Variants in FOXP1 observed in about 807,000 individuals in gnomAD.
The protein encoded by FOXP1 is forkhead box protein P1.
Under a neutral mutation model 98.2 loss-of-function variants are expected in FOXP1, and 15 were observed. That is an observed-to-expected ratio of 0.15 (90% CI 0.10 to 0.24). The LOEUF (loss-of-function observed/expected upper bound fraction) is 0.24, where lower values mean the gene tolerates loss of function less well. Ranked by LOEUF, FOXP1 falls within the 10% of genes least tolerant of loss-of-function variation. FOXP1 has a pLI of 1.00. For missense variants in FOXP1, 633 were observed against 848.5 expected, an observed-to-expected ratio of 0.75 and a Z score of 3.15; for synonymous variants, 371 against 314.5, an observed-to-expected ratio of 1.18 and a Z score of -1.90.
At chr3:71,566,678 T>G (rs929562189) in intron 2 of FOXP1, among the ~76,000 whole-genome samples, 1 of 152,136 alleles carries the variant, frequency 6.6e-6, no homozygotes, top group African/African-American at 2.4e-5. Context: ...CTTTCCTTAT[T>G]ATGTACCAGA....
chr3:71,108,851 C>G (rs1184100147), intron 7 of FOXP1, among the ~76,000 whole-genome samples: 1 of 152,166 alleles, frequency 6.6e-6, no homozygotes, highest in African/African-American at 2.4e-5. Context: ...TCATAAGCCT[C>G]CTGAAGGCAG....
chr3:71,001,135 G>A, intron 12 of FOXP1, 76 bp from the exon 13 acceptor site: 1 of 1,157,174 alleles, frequency 8.6e-7, no homozygotes, highest in Non-Finnish European at 1.3e-6. Context: ...GGATGTTTAA[G>A]CATAAACTAG....
At chr3:71,529,775 T>C (rs1329419909) in intron 2 of FOXP1, among the ~76,000 whole-genome samples, 2 of 152,194 alleles carry the variant, frequency 1.3e-5, no homozygotes, top group African/African-American at 4.8e-5. Context: ...TCCTTGCCCC[T>C]TCCTACATAC....
At chr3:71,325,053 A>ATT (rs71120312) in intron 4 of FOXP1, among the ~76,000 whole-genome samples, 3,433 of 135,994 alleles carry the variant, frequency 0.025, 78 homozygotes, top group Non-Finnish European at 0.038. Context: ...TAATCCCTTG[A>ATT]TTTTTTTTTT....
At chr3:71,488,030 AAGGG>A (rs1262782623) in intron 3 of FOXP1, among the ~76,000 whole-genome samples, 1 of 152,242 alleles carries the variant, frequency 6.6e-6, no homozygotes, top group African/African-American at 2.4e-5. Flanking sequence ...AAAGGACAGA[AAGGG>A]TTCTTTCTTT....
chr3:71,116,607 C>G (rs921684203), intron 6 of FOXP1, among the ~76,000 whole-genome samples: 1 of 152,206 alleles, frequency 6.6e-6, no homozygotes, highest in African/African-American at 2.4e-5. Flanking sequence ...AGAGTAGGAA[C>G]AAATTATTAT....
chr3:71,342,523 T>C (rs777303314), intron 4 of FOXP1, among the ~76,000 whole-genome samples: 1 of 152,076 alleles, frequency 6.6e-6, no homozygotes, highest in Non-Finnish European at 1.5e-5. Context: ...TGAAACCCCA[T>C]CTCTACTAAA....
intron 7 of FOXP1, among the ~76,000 whole-genome samples, chr3:71,082,041 A>C (rs1576639548): frequency 6.6e-6 from 1 of 151,840 alleles, no homozygotes; most frequent in East Asian, 1.9e-4. Context: ...CACTTTGAGA[A>C]GCTGAGGTGG....
At chr3:71,582,376 C>G in intron 1 of FOXP1, 2 of 977,542 alleles carry the variant, frequency 2.0e-6, no homozygotes, top group Non-Finnish European at 2.4e-6. Context: ...GCTCCCGGCG[C>G]CGCCGCCACC....
chr3:71,396,986 A>ATATG (rs2081474515), intron 3 of FOXP1, among the ~76,000 whole-genome samples: 1 of 78,238 alleles, frequency 1.3e-5, no homozygotes, highest in Non-Finnish European at 2.4e-5. Flanking sequence ...ATATATGTGT[A>ATATG]TATATATACA....
intron 3 of FOXP1, among the ~76,000 whole-genome samples, chr3:71,424,469 G>A (rs2083940140): frequency 6.6e-6 from 1 of 152,142 alleles, no homozygotes; most frequent in African/African-American, 2.4e-5. Flanking sequence ...AGGATTCCAT[G>A]TCTGGTTCTC....
At chr3:71,274,134 C>A (rs910355451) in intron 5 of FOXP1, among the ~76,000 whole-genome samples, 2 of 152,186 alleles carry the variant, frequency 1.3e-5, no homozygotes, top group African/African-American at 4.8e-5. Flanking sequence ...CATACTAGCA[C>A]CAGTGCCTTG....
At chr3:71,366,485 A>G (rs1038474974) in intron 3 of FOXP1, among the ~76,000 whole-genome samples, 1 of 152,244 alleles carries the variant, frequency 6.6e-6, no homozygotes, top group Non-Finnish European at 1.5e-5. Flanking sequence ...TGTGTCAATG[A>G]AGAACAGAAA....
At chr3:71,390,407 T>C (rs2080942939) in intron 3 of FOXP1, among the ~76,000 whole-genome samples, 1 of 152,198 alleles carries the variant, frequency 6.6e-6, no homozygotes, top group South Asian at 2.1e-4. Flanking sequence ...GCAACCCACC[T>C]TCTCTGTAAG....
intron 3 of FOXP1, among the ~76,000 whole-genome samples, chr3:71,391,969 C>T (rs146424696): frequency 2.2e-4 from 34 of 152,286 alleles, no homozygotes; most frequent in African/African-American, 6.7e-4. Context: ...GGATTCCACA[C>T]AGACGAACAT....
At chr3:71,067,991 A>T (rs1028944287) in intron 7 of FOXP1, among the ~76,000 whole-genome samples, 34 of 132,430 alleles carry the variant, frequency 2.6e-4, no homozygotes, top group African/African-American at 9.8e-4. Context: ...GATAATTATA[A>T]AAAAAAAAAG....
chr3:71,108,805 C>T (rs928426913), intron 7 of FOXP1, among the ~76,000 whole-genome samples: 9 of 152,148 alleles, frequency 5.9e-5, no homozygotes, highest in African/African-American at 1.4e-4. Context: ...CTGTAATTTT[C>T]GTTTTGCAGC....
intron 4 of FOXP1, chr3:71,333,911 C>A (rs1407293528): frequency 6.6e-6 from 1 of 151,070 alleles, no homozygotes; most frequent in Non-Finnish European, 1.5e-5. Flanking sequence ...AAAGAATAAA[C>A]TTGAAAAAAA....
At chr3:71,219,841 A>ACCTG (rs2065220127) in intron 5 of FOXP1, among the ~76,000 whole-genome samples, 1 of 148,830 alleles carries the variant, frequency 6.7e-6, no homozygotes, top group Non-Finnish European at 1.5e-5. Flanking sequence ...GATCTGGCCT[A>ACCTG]CCTGCCCCTG....
Sources: gnomAD v4.1 joint callset for allele counts (sites outside exome capture counted in the v4.1 genomes callset) on GRCh38, gnomAD v4.1.1 for gene constraint, MANE v1.5 for transcripts, NCBI Gene and HGNC (gene_info 2026-07-23, HGNC 2026-07-21) for gene names.